The following PECAM1 variants were observed in gnomAD, a reference collection of about 807,000 sequenced individuals.
PECAM1 encodes platelet endothelial cell adhesion molecule.
Under a neutral mutation model 13.8 loss-of-function variants are expected in PECAM1, and 8 were observed. The observed-to-expected ratio is 0.58, with a 90% CI of 0.34 to 1.05. The LOEUF is 1.05. PECAM1 is among the 50% of genes least tolerant of loss of function. The pLI is 0.03. For synonymous variants in PECAM1, 136 were observed against 52.6 expected (o/e 2.58, Z -6.86); for missense variants, 304 against 141.2 (o/e 2.15, Z -5.84).
intron 7 of PECAM1, among the ~76,000 whole-genome samples, chr17:64,359,566 C>T (rs1423146723): frequency 6.6e-6 from 1 of 152,198 alleles, no homozygotes; most frequent in African/African-American, 2.4e-5. Flanking sequence ...TGCACAACTT[C>T]AGTGCTTCCT....
intron 13 of PECAM1, among the ~76,000 whole-genome samples, chr17:64,347,626 AAT>A (rs1227078004): frequency 3.4e-5 from 5 of 145,216 alleles, no homozygotes; most frequent in Non-Finnish European, 7.6e-5. Context: ...AAAAATAAAA[AAT>A]AAAAATATAT....
chr17:64,362,055 G>A (rs2035995264), intron 6 of PECAM1, among the ~76,000 whole-genome samples: 1 of 152,146 alleles, frequency 6.6e-6, no homozygotes, highest in South Asian at 2.1e-4. Flanking sequence ...TGAAAGGATC[G>A]TGACTGAATA....
At chr17:64,355,593 G>A (rs1188216292) in intron 8 of PECAM1, among the ~76,000 whole-genome samples, 4 of 152,184 alleles carry the variant, frequency 2.6e-5, no homozygotes, top group African/African-American at 9.6e-5. Flanking sequence ...CCGAGTAGCT[G>A]GGATTACAGG....
At chr17:64,378,829 T>C (rs1353774480) in intron 2 of PECAM1, 2 of 152,012 alleles carry the variant, frequency 1.3e-5, no homozygotes, top group African/African-American at 4.8e-5. Context: ...TCTCATTAGG[T>C]CTTTGCAGGA....
chr17:64,341,863 A>G (rs2035439157), intron 13 of PECAM1, among the ~76,000 whole-genome samples, 173 bp from the exon 14 acceptor site: 2 of 152,048 alleles, frequency 1.3e-5, no homozygotes, highest in African/African-American at 4.8e-5. Flanking sequence ...ATGTTAGAAG[A>G]TCCTGGCTGG....
intron 2 of PECAM1, among the ~76,000 whole-genome samples, chr17:64,383,888 T>C (rs963448548): frequency 1.3e-5 from 2 of 152,078 alleles, no homozygotes; most frequent in East Asian, 3.9e-4. Context: ...TCCCAGCTCT[T>C]TGGGAGGCCT....
chr17:64,322,915 C>T lies in PECAM1; in HGVS notation c.*901G>A. 1 of 399,518 alleles carries T rather than the reference C, an allele frequency of 2.5e-6. No individual in the cohort carries two copies. Among genetic ancestry groups the T allele is most frequent in the Non-Finnish European group, 3.4e-6 (1 of 294,398 alleles). 24.7% of individuals were successfully genotyped at this position (399,518 alleles called of 1,614,324 possible). ...ATTTTTAGTAGAGACAGGGTTTCAT[C>T]AGGCTGGTCTCAAACTCCTGACCTC... On this transcript the variant is annotated 3_prime_UTR_variant, in exon 16 of 16. Transcript: ENST00000563924.
rs1214713940 is a variant in PECAM1 at position 64,323,363 on chromosome 17, G to A, written c.*453C>T. On this transcript the variant is annotated 3_prime_UTR_variant, in exon 16 of 16. Coordinates refer to ENST00000563924, the MANE Select transcript of PECAM1 (RefSeq NM_000442.5). ...GAACAAGGACTAGCCAAAACTACAA[G>A]CCTTTGAAGGACCAAAGGAAAAGAG... The A allele has an allele frequency of 1.1e-5, 12 of 1,091,476 alleles. No homozygotes were observed. Among genetic ancestry groups the A allele is most frequent in the Admixed American group, 4.9e-5 (1 of 20,336 alleles). 67.6% of individuals were successfully genotyped at this position (1,091,476 alleles called of 1,614,324 possible).
rs536829510 is a variant in PECAM1, at chr17:64,321,199, A to C, written c.*2617T>G. 2 of 152,404 alleles carry C rather than the reference A, an allele frequency of 1.3e-5. No homozygotes were observed. The highest frequency in any genetic ancestry group is 4.8e-5 in the African/African-American group (2 of 41,436). 9.4% of individuals were successfully genotyped at this position (152,404 alleles called of 1,614,324 possible). On this transcript the variant is annotated 3_prime_UTR_variant, in exon 16 of 16. Coordinates refer to ENST00000563924, the MANE Select transcript of PECAM1 (RefSeq NM_000442.5). ...TGTGTGTTGGCTAAGGACCATTTTA[A>C]GTCCTTCAGTGACCGATTACCACAT...
intron 2 of PECAM1, among the ~76,000 whole-genome samples, chr17:64,389,810 G>A (rs2036676977): frequency 6.6e-6 from 1 of 152,164 alleles, no homozygotes; most frequent in Admixed American, 6.5e-5. Context: ...CACTTTGGGA[G>A]GTGGAGGCCA....
chr17:64,385,244 C>T (rs1235314863), intron 2 of PECAM1, among the ~76,000 whole-genome samples: 1 of 152,200 alleles, frequency 6.6e-6, no homozygotes, highest in Non-Finnish European at 1.5e-5. Context: ...AAAGTCACCA[C>T]GGAACAGCCA....
intron 9 of PECAM1, 35 bp downstream of exon 9, chr17:64,354,898 G>A (rs2035813995): frequency 6.3e-6 from 3 of 474,896 alleles, no homozygotes; most frequent in Non-Finnish European, 1.2e-5. Flanking sequence ...TGGCAAGGAC[G>A]ACCAGTCAGT....
chr17:64,382,504 A>G (rs1459867288), intron 2 of PECAM1, among the ~76,000 whole-genome samples: 2 of 152,152 alleles, frequency 1.3e-5, no homozygotes, highest in Non-Finnish European at 2.9e-5. Flanking sequence ...TGTTAGCTAG[A>G]TTCTTCCAGT....
chr17:64,374,014 G>A (rs1299547848), intron 4 of PECAM1, among the ~76,000 whole-genome samples: 1 of 152,062 alleles, frequency 6.6e-6, no homozygotes, highest in Non-Finnish European at 1.5e-5. Flanking sequence ...TTTGTTTGCT[G>A]TTTGTCCAAC....
At chr17:64,328,451 G>A (rs762270686) in intron 15 of PECAM1, among the ~76,000 whole-genome samples, 7 of 152,162 alleles carry the variant, frequency 4.6e-5, no homozygotes, top group African/African-American at 1.7e-4. Flanking sequence ...CCCCAGACAC[G>A]CTATTCTACC....
At chr17:64,360,989 ATTCT>A (rs1197509347) in intron 6 of PECAM1, among the ~76,000 whole-genome samples, 3 of 149,976 alleles carry the variant, frequency 2.0e-5, no homozygotes, top group Non-Finnish European at 3.0e-5. Flanking sequence ...CACCTGGCTA[ATTCT>A]TTATTTTTTG....
intron 5 of PECAM1, among the ~76,000 whole-genome samples, chr17:64,363,646 G>A (rs1033161612): frequency 6.6e-6 from 1 of 152,132 alleles, no homozygotes; most frequent in Admixed American, 6.6e-5. Context: ...ACAAGGATTA[G>A]AAAAGTTTTG....
intron 7 of PECAM1, among the ~76,000 whole-genome samples, chr17:64,358,910 C>A (rs1318469891): frequency 6.6e-6 from 1 of 151,704 alleles, no homozygotes; most frequent in Non-Finnish European, 1.5e-5. Context: ...GATTCTTGTG[C>A]CTCAGCCTCC....
In PECAM1 at chr17:64,369,966, G is replaced by A; in HGVS notation, c.751C>T (p.Gln251Ter). 2.5e-6 allele frequency: 1 copy of A among 398,592 alleles called. No homozygotes were observed. The highest frequency in any genetic ancestry group is 4.4e-6 in the Non-Finnish European group (1 of 226,088). 24.7% of individuals were successfully genotyped at this position (398,592 alleles called of 1,614,324 possible). Residue 251 changes from glutamine to a stop codon, truncating the protein, a stop_gained, in exon 5 of 16, where the codon CAG becomes TAG. Transcript: ENST00000563924. LOFTEE classifies it high-confidence loss of function. ...TGAATGGTGCACTTAATGTGGAGCT[G>A]AGCTCCTTCCATGATCATTCCGGTG... is the stretch of plus-strand genomic sequence containing the variant. ...SPTGMIMEGAQLHIKCTIQVT... is the reference protein window; with the variant it reads ...SPTGMIMEGA
Sources: allele counts gnomAD v4.1 joint callset (sites outside exome capture counted in the v4.1 genomes callset), GRCh38; gene constraint gnomAD v4.1.1; transcripts MANE v1.5; gene names NCBI Gene and HGNC (gene_info 2026-07-23, HGNC 2026-07-21).